PRDM15: variants seen among roughly 807,000 people sequenced by gnomAD.
The protein encoded by PRDM15 is PR domain zinc finger protein 15.
PRDM15 carries 64 observed loss-of-function variants against 128.6 expected under a neutral mutation model. The observed-to-expected ratio is 0.50, with a 90% CI of 0.41 to 0.61. The LOEUF (loss-of-function observed/expected upper bound fraction) is 0.61, where lower values mean the gene tolerates loss of function less well. Ranked by LOEUF, PRDM15 falls within the 20% of genes least tolerant of loss-of-function variation. The pLI is 0.00. For synonymous variants in PRDM15, 615 were observed against 621.8 expected (o/e 0.99, Z 0.16); for missense variants, 1,242 against 1,569.1 (o/e 0.79, Z 3.52).
In PRDM15 at chr21:41,838,025, C is replaced by T. The variant is rs1381039429; in HGVS notation, c.910G>A (p.Glu304Lys). The stretch of plus-strand genomic sequence containing the variant: ...TCATCTGGCGTTGCACTCACAGGCT[C>T]ATCCGGAGGGACCTCGGTAATGATC... ...AEIITEVPPD[E>K]PVSATPDERI... The change falls in exon 8 of 24, where the codon GAG becomes AAG. Residue 304 changes from glutamate (E) to lysine (K), a missense_variant. This residue lies in a region of PRDM15 where 612 missense variants were observed against 717.0 expected (regional missense o/e 0.85). Coordinates refer to ENST00000398548, the MANE Select transcript of PRDM15 (RefSeq NM_001040424.3). 1.9e-6 allele frequency: 3 copies of T among 1,614,176 alleles called. No homozygotes were observed. The highest frequency in any genetic ancestry group is 1.1e-5 in the South Asian group (1 of 91,084).
intron 5 of PRDM15, among the ~76,000 whole-genome samples, chr21:41,853,543 T>C (rs536106728): frequency 1.3e-5 from 2 of 152,288 alleles, no homozygotes; most frequent in South Asian, 4.1e-4. Flanking sequence ...ATACCAGGAA[T>C]TTCATAGAGT....
At chr21:41,841,512 T>C (rs1365862963) in intron 6 of PRDM15, among the ~76,000 whole-genome samples, 1 of 151,956 alleles carries the variant, frequency 6.6e-6, no homozygotes, top group African/African-American at 2.4e-5. Flanking sequence ...AGAGTGATTT[T>C]AGATTGAGGG....
At chr21:41,838,873 A>G (rs1209257660) in intron 7 of PRDM15, among the ~76,000 whole-genome samples, 2 of 152,226 alleles carry the variant, frequency 1.3e-5, no homozygotes, top group Admixed American at 6.5e-5. Context: ...CACTCTCATA[A>G]AAGAAATCCT....
At chr21:41,814,517 C>A (rs1273656908) in intron 19 of PRDM15, 1 of 137,962 alleles carries the variant, frequency 7.2e-6, no homozygotes, top group African/African-American at 2.7e-5. Flanking sequence ...AGTGATTGCG[C>A]AGGGTGCTCT....
At position 41,821,572 on chromosome 21, in the gene PRDM15, C is replaced by G. The variant is rs532175684; in HGVS notation, c.1896+331G>C. Reference sequence around the variant, plus strand: ...AGGGGAAAAGGGGAGGAGAGAGGCGCCCCAGCCTGCAGCCAGCACAGCCAC... The same window carrying G: ...AGGGGAAAAGGGGAGGAGAGAGGCGGCCCAGCCTGCAGCCAGCACAGCCAC... On this transcript the variant is annotated intron_variant, in intron 15 of 23. Coordinates refer to ENST00000398548, the MANE Select transcript of PRDM15 (RefSeq NM_001040424.3). The surrounding 1 kb of genome is among the most constrained non-coding windows in gnomAD (Gnocchi z 5.4). 6.6e-6 allele frequency among the ~76,000 whole-genome samples: 1 copy of G among 152,106 alleles called. No homozygotes were observed. Among genetic ancestry groups the G allele is most frequent in the African/African-American group, 2.4e-5 (1 of 41,418 alleles).
chr21:41,802,961 G>T, intron 22 of PRDM15, 40 bp from the exon 23 acceptor site: 1 of 1,556,154 alleles, frequency 6.4e-7, no homozygotes, highest in South Asian at 1.1e-5. Flanking sequence ...CAGGTTAGTC[G>T]GTCACGTCAG....
In PRDM15 at chr21:41,802,645, C is replaced by T. The variant is rs2061446145; in HGVS notation, c.2943+67G>A. On this transcript the variant is annotated intron_variant, in intron 23 of 23. Transcript: ENST00000398548. ...TAGTAAAAAGAGATGGAGTCACACA[C>T]ACGTAAGGCTCTCATGCTTAGGGAA... The T allele has an allele frequency of 5.2e-5, 67 of 1,287,890 alleles. 1 individual carries two copies. In the South Asian group the frequency reaches 7.8e-4, roughly 15 times the overall value. The allele number at this position is 1,287,890 out of a possible 1,614,324, so 79.8% of individuals were successfully genotyped here. A position where few individuals can be genotyped will look rare whatever the true frequency, so the allele number is the denominator to read the frequency against.
At chr21:41,833,177 C>G (rs1394804329) in intron 11 of PRDM15, among the ~76,000 whole-genome samples, 1 of 152,196 alleles carries the variant, frequency 6.6e-6, no homozygotes, top group Non-Finnish European at 1.5e-5. Context: ...TTCCGTAGCA[C>G]AGTACTTATG....
Position 41,849,396 on chromosome 21 carries a change from C to T in PRDM15, c.539-2205G>A, listed in dbSNP as rs536946648. ...CAGCCTGGGCAACATAGCAAAACGC[C>T]GTCTCTACTAAAAAATGCACAAATT... On this transcript the variant is annotated intron_variant, in intron 5 of 23. Transcript: ENST00000398548. Among the ~76,000 whole-genome samples, 33 of 151,948 alleles carry T rather than the reference C, an allele frequency of 2.2e-4. 1 individual carries two copies. Among genetic ancestry groups the T allele is most frequent in the African/African-American group, 7.5e-4 (31 of 41,414 alleles).
At chr21:41,866,553 C>T (rs17766544) in intron 1 of PRDM15, among the ~76,000 whole-genome samples, 2 of 152,204 alleles carry the variant, frequency 1.3e-5, no homozygotes, top group Admixed American at 6.5e-5. Flanking sequence ...TCCTGGTTCA[C>T]GTACTTGAAA....
chr21:41,837,890 A>G, intron 8 of PRDM15, 44 bp downstream of exon 8: 1 of 1,611,002 alleles, frequency 6.2e-7, no homozygotes, highest in Non-Finnish European at 8.5e-7. Flanking sequence ...TGCTGCCAGC[A>G]TTGTCTGTCC....
chr21:41,836,273 C>A, intron 9 of PRDM15, 66 bp from the exon 10 acceptor site: 2 of 1,472,586 alleles, frequency 1.4e-6, no homozygotes, highest in African/African-American at 1.4e-5. Context: ...AGCATGCCCA[C>A]CGGGGAAATG....
intron 6 of PRDM15, among the ~76,000 whole-genome samples, chr21:41,842,639 C>A (rs2063108845): frequency 6.6e-6 from 1 of 152,018 alleles, no homozygotes; most frequent in South Asian, 2.1e-4. Context: ...TACAAGCGTG[C>A]ACCACCGTGC....
At chr21:41,843,459 C>T (rs2063136747) in intron 6 of PRDM15, among the ~76,000 whole-genome samples, 1 of 152,170 alleles carries the variant, frequency 6.6e-6, no homozygotes, top group Non-Finnish European at 1.5e-5. Context: ...CTATTGTATC[C>T]TACACGCAGA....
rs1601247060 is a variant in PRDM15, at chr21:41,828,119, C to A, written c.1534+47G>T. 1 of 1,603,868 alleles carries A rather than the reference C, an allele frequency of 6.2e-7. No homozygotes were observed. The highest frequency in any genetic ancestry group is 2.2e-5 in the East Asian group (1 of 44,792). ...CTCCATGCCGCCCTGCCCCACCCCG[C>A]AGGAGCTGCCTCTCCCCGCCCGCAG... On this transcript the variant is annotated intron_variant, in intron 12 of 23. Coordinates refer to ENST00000398548, the MANE Select transcript of PRDM15 (RefSeq NM_001040424.3). This position sits in a 1 kb window ranked among gnomAD's most constrained non-coding sequence, Gnocchi z 5.7.
intron 6 of PRDM15, among the ~76,000 whole-genome samples, chr21:41,842,302 A>G (rs1385327655): frequency 6.6e-6 from 1 of 152,164 alleles, no homozygotes; most frequent in Non-Finnish European, 1.5e-5. Flanking sequence ...GATAGCATCT[A>G]TTATTTAACA....
At position 41,828,429 on chromosome 21, in the gene PRDM15, G is replaced by T; in HGVS notation, c.1367-96C>A. 1 of 1,309,878 alleles carries T rather than the reference G, an allele frequency of 7.6e-7. No homozygotes were observed. The highest frequency in any genetic ancestry group is 1.1e-6 in the Non-Finnish European group (1 of 920,966). The allele number at this position is 1,309,878 out of a possible 1,614,324, so 81.1% of individuals were successfully genotyped here. A position where few individuals can be genotyped will look rare whatever the true frequency, so the allele number is the denominator to read the frequency against. Reference sequence around the variant, plus strand: ...GCCTGAACGTCAATAAAGCGCGGGTGACGGGCATGAGAGTCACGGGGATGC... The same window carrying T: ...GCCTGAACGTCAATAAAGCGCGGGTTACGGGCATGAGAGTCACGGGGATGC... On this transcript the variant is annotated intron_variant, in intron 11 of 23. Transcript: ENST00000398548. The surrounding 1 kb of genome is among the most constrained non-coding windows in gnomAD (Gnocchi z 5.7).
rs372836802 is a variant in PRDM15, at chr21:41,819,445, C to T, written c.2260+137G>A. 1.7e-4 allele frequency: 183 copies of T among 1,071,800 alleles called. No individual in the cohort carries two copies. In the African/African-American group the frequency reaches 2.1e-3, roughly 12 times the overall value. The allele number at this position is 1,071,800 out of a possible 1,614,324, so 66.4% of individuals were successfully genotyped here. A position where few individuals can be genotyped will look rare whatever the true frequency, so the allele number is the denominator to read the frequency against. ...CGCCTGTACCCACCTTTCCCACACT[C>T]GGCCCGTGGCCCCGGCCCCCGCCCC... On this transcript the variant is annotated intron_variant, in intron 18 of 23. Coordinates refer to ENST00000398548, the MANE Select transcript of PRDM15 (RefSeq NM_001040424.3).
intron 12 of PRDM15, among the ~76,000 whole-genome samples, chr21:41,827,685 T>C (rs147008154): frequency 6.7e-4 from 102 of 152,356 alleles, no homozygotes; most frequent in African/African-American, 2.4e-3. Context: ...CATCTTCTTT[T>C]CAACAAGCAT....
Sources: allele counts gnomAD v4.1 joint callset (sites outside exome capture counted in the v4.1 genomes callset), GRCh38; gene constraint gnomAD v4.1.1; regional missense constraint gnomAD v4.1.1; non-coding constraint Gnocchi (gnomAD v3.1); transcripts MANE v1.5; gene names NCBI Gene and HGNC (gene_info 2026-07-23, HGNC 2026-07-21).